Variants in CCS observed in about 807,000 individuals in gnomAD.
CCS encodes the protein copper chaperone for superoxide dismutase, also known as superoxide dismutase copper chaperone.
CCS carries 32 observed loss-of-function variants against 35.5 expected under a neutral mutation model. That is an observed-to-expected ratio of 0.90 (90% CI 0.68 to 1.21). The LOEUF (loss-of-function observed/expected upper bound fraction) is 1.21. CCS is among the 50% of genes most tolerant of loss of function. The pLI, the probability that CCS is intolerant of heterozygous loss-of-function variation, is 0.00. For missense variants in CCS, 342 were observed against 375.4 expected (o/e 0.91, Z 0.73); for synonymous variants, 130 against 147.2 (o/e 0.88, Z 0.84).
chr11:66,605,254 A>T, intron 5 of CCS, 85 bp from the exon 6 acceptor site: 1 of 1,583,480 alleles, frequency 6.3e-7, no homozygotes, highest in Non-Finnish European at 8.6e-7. Flanking sequence ...AAGCAGGAAG[A>T]GGCGTCGGAA....
At chr11:66,601,880 A>AT (rs750117312) in intron 5 of CCS, among the ~76,000 whole-genome samples, 63 of 144,354 alleles carry the variant, frequency 4.4e-4, no homozygotes, top group East Asian at 1.0e-3. Context: ...CCTCTGCCAC[A>AT]TTTTTTTTTT....
At chr11:66,597,352 G>T (rs1359447226) in intron 2 of CCS, among the ~76,000 whole-genome samples, 2 of 152,012 alleles carry the variant, frequency 1.3e-5, no homozygotes, top group Non-Finnish European at 2.9e-5. Flanking sequence ...CAGCTACTCG[G>T]GAGGCTGAGG....
At chr11:66,597,526 G>A (rs547654065) in intron 2 of CCS, among the ~76,000 whole-genome samples, 5 of 150,502 alleles carry the variant, frequency 3.3e-5, no homozygotes, top group African/African-American at 7.3e-5. Context: ...GCCAAGGCGG[G>A]CAGATCACGA....
chr11:66,599,201 G>A lies in CCS; in HGVS notation c.198G>A (p.Leu66=). ...CCAGCCAGGAGGTGCAGGCTCTCCT[G>A]GAAGGCACGGGGCGGCAGGCGGTAC... ...TLPSQEVQAL[L]EGTGRQAVLK... Residue 66 remains leucine, a synonymous_variant, in exon 3 of 8, where the codon CTG becomes CTA. Coordinates refer to ENST00000533244, the MANE Select transcript of CCS (RefSeq NM_005125.2). 6.2e-7 allele frequency: 1 copy of A among 1,613,738 alleles called. No individual in the cohort carries two copies.
At chr11:66,600,443 G>A in intron 4 of CCS, 46 bp from the exon 5 acceptor site, 1 of 1,180,800 alleles carries the variant, frequency 8.5e-7, no homozygotes, top group South Asian at 1.6e-5. Context: ...TAGAGCACCT[G>A]GCCTGTGAGC....
At chr11:66,595,904 A>G (rs549015838) in intron 2 of CCS, among the ~76,000 whole-genome samples, 4 of 152,140 alleles carry the variant, frequency 2.6e-5, no homozygotes, top group African/African-American at 4.8e-5. Context: ...AGGGTCTGGG[A>G]ACCCTCCTAT....
In CCS at chr11:66,597,196, C is replaced by T. The variant is rs143728118; in HGVS notation, c.113-1920C>T. Among the ~76,000 whole-genome samples, 762 of 152,276 alleles carry T rather than the reference C, an allele frequency of 5.0e-3. 5 individuals carry two copies. Among genetic ancestry groups the T allele is most frequent in the African/African-American group, 0.017 (722 of 41,524 alleles). ...TAATTCGGCTGGGCGCAGTGGCTCA[C>T]ACCTGTAATTCCAGCACTTTGGGAG... On this transcript the variant is annotated intron_variant, in intron 2 of 7. Coordinates refer to ENST00000533244, the MANE Select transcript of CCS (RefSeq NM_005125.2).
chr11:66,599,256 G>A lies in CCS; in HGVS notation c.250+3G>A. On this transcript the variant is annotated splice_donor_region_variant and intron_variant, in intron 3 of 7. Transcript: ENST00000533244. Reference sequence around the variant, plus strand: ...GGGCATGGGCAGCGGCCAGTTGCGTGAGTGACCACTGTGGCCTTGGCCCCT... The same window carrying A: ...GGGCATGGGCAGCGGCCAGTTGCGTAAGTGACCACTGTGGCCTTGGCCCCT... 1 of 1,598,486 alleles carries A rather than the reference G, an allele frequency of 6.3e-7. No individual in the cohort carries two copies.
rs747910396 is a variant in CCS, at chr11:66,605,583, C to G, written c.662C>G (p.Ser221Cys). The change falls in exon 7 of 8, where the codon TCC (serine) becomes TGC (cysteine). Residue 221 changes from serine to cysteine, a missense_variant. By Grantham distance (112) the Ser-to-Cys change is moderately radical (BLOSUM62 -1). Transcript: ENST00000533244. ...GHPLSKITGNSGERLACGIIA... is the reference protein window; with the variant it reads ...GHPLSKITGNCGERLACGIIA... ...CCCTTATCCAAGATCACAGGGAACT[C>G]CGGGGAGAGGTGAGTGGTGTCGGCC... The G allele has an allele frequency of 6.2e-7, 1 of 1,613,416 alleles. No homozygotes were observed. Among genetic ancestry groups the G allele is most frequent in the Non-Finnish European group, 8.5e-7 (1 of 1,179,750 alleles).
intron 4 of CCS, 31 bp downstream of exon 4, chr11:66,599,667 T>A: frequency 6.3e-7 from 1 of 1,596,876 alleles, no homozygotes; most frequent in Non-Finnish European, 8.6e-7. Flanking sequence ...CCAGTAGCAT[T>A]CTCAGCTACA....
intron 3 of CCS, 95 bp downstream of exon 3, chr11:66,599,348 T>C: frequency 6.7e-7 from 1 of 1,498,132 alleles, no homozygotes; most frequent in Non-Finnish European, 8.9e-7. Flanking sequence ...TGGGTTGGAG[T>C]GGCTTTGAGG....
intron 5 of CCS, among the ~76,000 whole-genome samples, chr11:66,604,780 G>A (rs573877370): frequency 6.6e-6 from 1 of 152,268 alleles, no homozygotes; most frequent in South Asian, 2.1e-4. Context: ...AGCCAGCTTC[G>A]AGGGGCTAGG....
At chr11:66,593,347 G>A (rs1456493755) in intron 1 of CCS, 47 bp downstream of exon 1, 6 of 1,473,164 alleles carry the variant, frequency 4.1e-6, no homozygotes, top group Non-Finnish European at 5.4e-6. Flanking sequence ...AGAGAGCCTC[G>A]GCCCCTGGGA....
intron 2 of CCS, 127 bp from the exon 3 acceptor site, chr11:66,598,989 T>C (rs1432794219): frequency 6.9e-5 from 74 of 1,079,058 alleles, no homozygotes; most frequent in Non-Finnish European, 4.9e-5. Context: ...AGTTACGAAG[T>C]AGCTTGCCTC....
chr11:66,593,699 C>G lies in CCS; in HGVS notation c.97C>G (p.Leu33Val). ...QSCVDAVRKS[L>V]QGVAGVQDVE... ...CTGTGTGGACGCGGTGCGCAAATCC[C>G]TGCAAGGGGTGGCAGGTAAGAACAG... is the stretch of plus-strand genomic sequence containing the variant. Residue 33 changes from leucine to valine, a missense_variant, in exon 2 of 8, where the codon CTG becomes GTG. Coordinates refer to ENST00000533244, the MANE Select transcript of CCS (RefSeq NM_005125.2). The G allele has an allele frequency of 6.2e-7, 1 of 1,614,132 alleles. No individual in the cohort carries two copies. The highest frequency in any genetic ancestry group is 8.5e-7 in the Non-Finnish European group (1 of 1,180,012).
intron 2 of CCS, among the ~76,000 whole-genome samples, chr11:66,594,179 A>G (rs1000727023): frequency 3.3e-5 from 5 of 151,904 alleles, no homozygotes; most frequent in African/African-American, 1.2e-4. Context: ...TAACACAGTT[A>G]AATCCTGTCT....
At chr11:66,595,894 A>G (rs1858468641) in intron 2 of CCS, among the ~76,000 whole-genome samples, 1 of 152,158 alleles carries the variant, frequency 6.6e-6, no homozygotes, top group African/African-American at 2.4e-5. Flanking sequence ...TGGAGACCTG[A>G]GGGTCTGGGA....
intron 2 of CCS, 135 bp downstream of exon 2, chr11:66,593,849 G>C: frequency 1.2e-6 from 1 of 824,252 alleles, no homozygotes; most frequent in Non-Finnish European, 2.0e-6. Flanking sequence ...CATGTTCTCA[G>C]AGTTACACAC....
chr11:66,598,419 C>T (rs1038526950), intron 2 of CCS, among the ~76,000 whole-genome samples: 1 of 148,606 alleles, frequency 6.7e-6, no homozygotes, highest in African/African-American at 2.5e-5. Flanking sequence ...GAGGCTAAGG[C>T]AGGAGAATCG....
Sources: allele counts gnomAD v4.1 joint callset (sites outside exome capture counted in the v4.1 genomes callset), GRCh38; gene constraint gnomAD v4.1.1; transcripts MANE v1.5; gene names NCBI Gene and HGNC (gene_info 2026-07-23, HGNC 2026-07-21).